Variants in STK32B observed in about 807,000 individuals in gnomAD.
STK32B encodes the protein serine/threonine-protein kinase 32B.
Under a neutral mutation model 52.6 loss-of-function variants are expected in STK32B, and 43 were observed. The ratio of observed to expected loss-of-function variants is 0.82; its 90% CI spans 0.64 to 1.05. The LOEUF is 1.05. Ranked by LOEUF, STK32B falls within the 50% of genes least tolerant of loss-of-function variation. The pLI is 0.00. For synonymous variants in STK32B, 238 were observed against 204.3 expected (o/e 1.17, Z -1.41); for missense variants, 621 against 534.6 (o/e 1.16, Z -1.59).
intron 1 of STK32B, among the ~76,000 whole-genome samples, chr4:5,068,147 A>C (rs1031859723): frequency 4.6e-5 from 7 of 152,154 alleles, no homozygotes; most frequent in African/African-American, 1.7e-4. Flanking sequence ...TTGAAAGTTA[A>C]CTTTCAATGG....
intron 4 of STK32B, among the ~76,000 whole-genome samples, chr4:5,358,450 TG>T (rs1734318090): frequency 6.6e-6 from 1 of 152,216 alleles, no homozygotes; most frequent in African/African-American, 2.4e-5. Flanking sequence ...TTTATTCCCG[TG>T]TTCTCCCTCC....
intron 3 of STK32B, among the ~76,000 whole-genome samples, chr4:5,174,574 G>T (rs149093191): frequency 0.013 from 2,022 of 152,216 alleles, 42 homozygotes; most frequent in African/African-American, 0.042. Context: ...ATAGTTTGGC[G>T]GGATATGAAA....
At chr4:5,430,167 A>G (rs901395438) in intron 6 of STK32B, among the ~76,000 whole-genome samples, 5 of 152,204 alleles carry the variant, frequency 3.3e-5, no homozygotes, top group Admixed American at 2.6e-4. Flanking sequence ...CTGCAAATAT[A>G]TATATTTTTG....
At position 5,265,170 on chromosome 4, in the gene STK32B, C is replaced by A. The variant is rs954360877; in HGVS notation, c.261-66050C>A. Among the ~76,000 whole-genome samples, 5 of 152,298 alleles carry A rather than the reference C, an allele frequency of 3.3e-5. No individual in the cohort carries two copies. In the East Asian group the frequency reaches 9.6e-4, roughly 29 times the overall value. ...GTTCCAGTCCTAAATGTCAGAAAAT[C>A]TTTTCCTAATAAATTTCTTTGGTCC... On this transcript the variant is annotated intron_variant, in intron 3 of 11. Transcript: ENST00000282908.
At chr4:5,375,506 T>C (rs1036237247) in intron 4 of STK32B, among the ~76,000 whole-genome samples, 2 of 152,248 alleles carry the variant, frequency 1.3e-5, no homozygotes, top group Non-Finnish European at 2.9e-5. Flanking sequence ...AACATTTCTA[T>C]GAATTTTTTT....
At chr4:5,044,894 G>C in the STK32B span, among the ~76,000 whole-genome samples, 5 of 152,150 alleles carry the variant, frequency 3.3e-5, no homozygotes, top group African/African-American at 1.2e-4. Context: ...CTCAGTGACA[G>C]AGTGAGATCC....
At chr4:5,026,132 T>C in the STK32B span, among the ~76,000 whole-genome samples, 1 of 152,260 alleles carries the variant, frequency 6.6e-6, no homozygotes, top group Non-Finnish European at 1.5e-5. Context: ...CCTTCTGTTT[T>C]CTTCTTGTGA....
chr4:5,276,925 G>A (rs776850147), intron 3 of STK32B, among the ~76,000 whole-genome samples: 24 of 152,170 alleles, frequency 1.6e-4, no homozygotes, highest in Non-Finnish European at 1.5e-4. Context: ...CATTAATTGA[G>A]TCATATAGAG....
chr4:5,373,136 G>A (rs111398165), intron 4 of STK32B, among the ~76,000 whole-genome samples: 3 of 152,160 alleles, frequency 2.0e-5, no homozygotes, highest in African/African-American at 7.2e-5. Flanking sequence ...ACAGAAAACA[G>A]AGTAAGGAAA....
intron 6 of STK32B, among the ~76,000 whole-genome samples, chr4:5,430,556 T>C (rs1713492333): frequency 6.6e-6 from 1 of 152,248 alleles, no homozygotes; most frequent in Admixed American, 6.5e-5. Context: ...AGTATGATTC[T>C]GTTAATTTCT....
rs775819179 is a variant in STK32B, at chr4:5,398,508, C to T, written c.472+264C>T. Among the ~76,000 whole-genome samples the T allele has an allele frequency of 4.6e-5, 7 of 152,130 alleles. No homozygotes were observed. The highest frequency in any genetic ancestry group is 6.5e-5 in the Admixed American group (1 of 15,276). On this transcript the variant is annotated intron_variant, in intron 5 of 11. Transcript: ENST00000282908. The surrounding 1 kb of genome is among the most constrained non-coding windows in gnomAD (Gnocchi z 4.9). ...CCCCGTGTGAGGAGGACAGGGCCGC[C>T]GTGAGGATGAGCCCGGGGTTCCAAC...
At chr4:5,019,479 C>G in the STK32B span, 3 of 1,436,180 alleles carry the variant, frequency 2.1e-6, no homozygotes, top group East Asian at 9.1e-5. Context: ...CGCCGACCGC[C>G]CCTTTATGCA....
At chr4:5,351,936 AATG>A (rs1289590379) in intron 4 of STK32B, among the ~76,000 whole-genome samples, 1 of 152,098 alleles carries the variant, frequency 6.6e-6, no homozygotes, top group Non-Finnish European at 1.5e-5. Flanking sequence ...AACAGCAAGT[AATG>A]ATATTGAATT....
rs900904940 is a variant in STK32B at position 5,106,079 on chromosome 4, G to C, written c.53-33826G>C. ...GCACTTTGGGAGGCCGAGGCGGGGGGATCACTTGACATCAAGAGTTCGAGA... is the reference window on the plus strand; with the variant it reads ...GCACTTTGGGAGGCCGAGGCGGGGGCATCACTTGACATCAAGAGTTCGAGA... On this transcript the variant is annotated intron_variant, in intron 1 of 11. Transcript: ENST00000282908. Among the ~76,000 whole-genome samples, 4 of 151,896 alleles carry C rather than the reference G, an allele frequency of 2.6e-5. No individual in the cohort carries two copies. In the South Asian group the frequency reaches 8.4e-4, roughly 32 times the overall value.
intron 4 of STK32B, among the ~76,000 whole-genome samples, chr4:5,370,877 A>C (rs1182643325): frequency 1.3e-5 from 2 of 151,858 alleles, no homozygotes; most frequent in East Asian, 3.9e-4. Context: ...GGAGGCTGAG[A>C]TGGATGGATC....
intron 3 of STK32B, among the ~76,000 whole-genome samples, chr4:5,280,607 A>G (rs550759696): frequency 2.6e-5 from 4 of 152,288 alleles, no homozygotes; most frequent in African/African-American, 9.6e-5. Flanking sequence ...CTATAAAGAC[A>G]TACCTGGCCG....
chr4:5,139,007 T>A (rs1289019448), intron 1 of STK32B, among the ~76,000 whole-genome samples: 1 of 151,950 alleles, frequency 6.6e-6, no homozygotes, highest in Non-Finnish European at 1.5e-5. Context: ...ACAAGCAAGA[T>A]CACTCGGCTC....
intron 2 of STK32B, among the ~76,000 whole-genome samples, chr4:5,153,903 G>A (rs944055980): frequency 2.0e-5 from 3 of 152,046 alleles, no homozygotes; most frequent in African/African-American, 4.8e-5. Context: ...TATTAAGATG[G>A]CAATTCTCTG....
At chr4:5,417,757 A>G (rs1278663397) in intron 6 of STK32B, among the ~76,000 whole-genome samples, 1 of 152,240 alleles carries the variant, frequency 6.6e-6, no homozygotes, top group African/African-American at 2.4e-5. Flanking sequence ...AAACTGTGTC[A>G]AAACATAGTG....
Sources: allele counts gnomAD v4.1 joint callset (sites outside exome capture counted in the v4.1 genomes callset), GRCh38; gene constraint gnomAD v4.1.1; non-coding constraint Gnocchi (gnomAD v3.1); transcripts MANE v1.5; gene names NCBI Gene and HGNC (gene_info 2026-07-23, HGNC 2026-07-21).